Variants in FHIT observed in about 807,000 individuals in gnomAD.
FHIT encodes fragile histidine triad diadenosine triphosphatase, also known as bis(5'-adenosyl)-triphosphatase.
Under a neutral mutation model 17.9 loss-of-function variants are expected in FHIT, and 19 were observed. That is an observed-to-expected ratio of 1.06 (90% confidence interval 0.74 to 1.56). The LOEUF is 1.56. FHIT is among the 40% of genes most tolerant of loss of function. The pLI is 0.00. For synonymous variants in FHIT, 81 were observed against 69.7 expected (o/e 1.16, Z -0.81); for missense variants, 248 against 189.2 (o/e 1.31, Z -1.82).
intron 4 of FHIT, among the ~76,000 whole-genome samples, chr3:60,611,209 A>C (rs1178042059): frequency 6.6e-6 from 1 of 152,194 alleles, no homozygotes; most frequent in Non-Finnish European, 1.5e-5. Context: ...ATGGGCTAGA[A>C]ACCTGGAACA....
intron 5 of FHIT, among the ~76,000 whole-genome samples, chr3:60,449,218 G>C (rs558881788): frequency 6.6e-6 from 1 of 152,130 alleles, no homozygotes; most frequent in Non-Finnish European, 1.5e-5. Context: ...CAACTACTAA[G>C]TAAGCAGACA....
chr3:61,091,210 A>C (rs565960901), intron 2 of FHIT, among the ~76,000 whole-genome samples: 1 of 152,306 alleles, frequency 6.6e-6, no homozygotes, highest in South Asian at 2.1e-4. Context: ...TAAAAAAATA[A>C]GGTATTAAGT....
At chr3:60,790,166 T>C (rs1553728120) in intron 4 of FHIT, among the ~76,000 whole-genome samples, 1 of 152,204 alleles carries the variant, frequency 6.6e-6, no homozygotes, top group African/African-American at 2.4e-5. Flanking sequence ...GTTGGTTTAT[T>C]AATATTTTGT....
At chr3:60,790,991 A>T (rs1700758480) in intron 4 of FHIT, among the ~76,000 whole-genome samples, 1 of 152,144 alleles carries the variant, frequency 6.6e-6, no homozygotes. Context: ...CTGTTTTTTA[A>T]AATAGTGAAC....
chr3:60,112,427 G>A lies in FHIT; in HGVS notation c.104-98275C>T, dbSNP rs190997695. Among the ~76,000 whole-genome samples, 17 of 152,228 alleles carry A rather than the reference G, an allele frequency of 1.1e-4. No homozygotes were observed. In the East Asian group the frequency reaches 1.4e-3, roughly 12 times the overall value. On this transcript the variant is annotated intron_variant, in intron 5 of 9. Coordinates refer to ENST00000492590, the MANE Select transcript of FHIT (RefSeq NM_002012.4). ...CGAGTTTCAGAAGCCTGATCATAGC[G>A]CTGCCACTGCTGCTTCTGCCATCCC... is the stretch of plus-strand genomic sequence containing the variant.
intron 5 of FHIT, among the ~76,000 whole-genome samples, chr3:60,257,379 T>C (rs945241613): frequency 5.3e-5 from 8 of 152,152 alleles, no homozygotes; most frequent in African/African-American, 1.9e-4. Flanking sequence ...CTGTCAGTCA[T>C]ATATTACACT....
chr3:60,939,445 G>A (rs1429205441), intron 3 of FHIT, among the ~76,000 whole-genome samples: 4 of 152,026 alleles, frequency 2.6e-5, no homozygotes, highest in African/African-American at 4.8e-5. Context: ...TGCCAACCCT[G>A]ACCTAGAATC....
At chr3:59,857,865 A>T (rs1456748485) in intron 8 of FHIT, among the ~76,000 whole-genome samples, 1 of 152,110 alleles carries the variant, frequency 6.6e-6, no homozygotes, top group Non-Finnish European at 1.5e-5. Flanking sequence ...TGATAGAGAG[A>T]AACCAGGTGG....
At chr3:60,302,245 T>C (rs886723131) in intron 5 of FHIT, among the ~76,000 whole-genome samples, 1 of 152,104 alleles carries the variant, frequency 6.6e-6, no homozygotes, top group Non-Finnish European at 1.5e-5. Flanking sequence ...TTTTTATTGG[T>C]AAGGCAAGAA....
chr3:61,180,998 C>A (rs973809381), intron 2 of FHIT, among the ~76,000 whole-genome samples: 9 of 152,034 alleles, frequency 5.9e-5, no homozygotes, highest in African/African-American at 1.7e-4. Context: ...GCTTTTTCGA[C>A]TAAAAAATAA....
chr3:60,447,183 T>C (rs943892599), intron 5 of FHIT, among the ~76,000 whole-genome samples: 4 of 152,104 alleles, frequency 2.6e-5, no homozygotes, highest in African/African-American at 9.7e-5. Flanking sequence ...CTCTTGGTTG[T>C]CTTGGCAGTT....
chr3:60,080,052 T>G (rs1303642889), intron 5 of FHIT, among the ~76,000 whole-genome samples: 2 of 152,102 alleles, frequency 1.3e-5, no homozygotes, highest in African/African-American at 4.8e-5. Flanking sequence ...AAATAAGTAA[T>G]TTTGAAAGGA....
intron 8 of FHIT, among the ~76,000 whole-genome samples, chr3:59,853,221 AGT>A (rs1702013458): frequency 6.6e-6 from 1 of 152,264 alleles, no homozygotes; most frequent in African/African-American, 2.4e-5. Flanking sequence ...TCTTCTAATA[AGT>A]GTGTGGTGGT....
chr3:60,612,739 C>T (rs919576829), intron 4 of FHIT, among the ~76,000 whole-genome samples: 3 of 152,130 alleles, frequency 2.0e-5, no homozygotes. Context: ...AGAAAATGCT[C>T]TTATAAGAAC....
chr3:60,022,501 C>G (rs1314534043), intron 5 of FHIT, among the ~76,000 whole-genome samples: 1 of 152,152 alleles, frequency 6.6e-6, no homozygotes, highest in Non-Finnish European at 1.5e-5. Flanking sequence ...TTTCCTTCAC[C>G]AAGACAGGCA....
At chr3:60,237,262 A>ATTTTTTTTTTTTTTT (rs201958097) in intron 5 of FHIT, among the ~76,000 whole-genome samples, 1 of 124,850 alleles carries the variant, frequency 8.0e-6, no homozygotes, top group African/African-American at 3.0e-5. Flanking sequence ...TTGTTTTTCC[A>ATTTTTTTTTTTTTTT]TTTTTTTTTT....
intron 2 of FHIT, among the ~76,000 whole-genome samples, chr3:61,197,348 A>G (rs2106652272): frequency 6.6e-6 from 1 of 152,360 alleles, no homozygotes. Flanking sequence ...TCACAAAGCT[A>G]GCAAATGGCA....
At chr3:60,852,253 C>T (rs1443833212) in intron 3 of FHIT, among the ~76,000 whole-genome samples, 1 of 152,108 alleles carries the variant, frequency 6.6e-6, no homozygotes, top group Non-Finnish European at 1.5e-5. Flanking sequence ...TCCTGGGTCT[C>T]AAGCCTGTTG....
At chr3:60,193,117 G>C (rs1179500986) in intron 5 of FHIT, among the ~76,000 whole-genome samples, 1 of 152,206 alleles carries the variant, frequency 6.6e-6, no homozygotes, top group Admixed American at 6.5e-5. Context: ...ACCATGAGAA[G>C]GATAATTAAC....
Sources: gnomAD v4.1 joint callset for allele counts (sites outside exome capture counted in the v4.1 genomes callset) on GRCh38, gnomAD v4.1.1 for gene constraint, MANE v1.5 for transcripts, NCBI Gene and HGNC (gene_info 2026-07-23, HGNC 2026-07-21) for gene names.